Variants in CD163L1 observed in about 807,000 individuals in gnomAD.
The protein encoded by CD163L1 is scavenger receptor cysteine-rich type 1 protein M160.
A neutral mutation model predicts 165.4 loss-of-function variants in CD163L1; 124 were observed. That is an observed-to-expected ratio of 0.75 (90% CI 0.65 to 0.87). The LOEUF (loss-of-function observed/expected upper bound fraction) is 0.87. CD163L1 is among the 40% of genes least tolerant of loss of function. The pLI is 0.00. For missense variants in CD163L1, 1,525 were observed against 1,799.9 expected (o/e 0.85, Z 2.76); for synonymous variants, 585 against 662.2 (o/e 0.88, Z 1.79).
At chr12:7,403,469 C>A in intron 6 of CD163L1, 66 bp downstream of exon 6, 1 of 1,453,752 alleles carries the variant, frequency 6.9e-7, no homozygotes, top group Non-Finnish European at 9.3e-7. Context: ...GCTATTGTTT[C>A]TAACCTCCCA....
In CD163L1 at chr12:7,374,455, C is replaced by T. The variant is rs1241694907; in HGVS notation, c.3396G>A (p.Gly1132=). 2 of 1,612,110 alleles carry T rather than the reference C, an allele frequency of 1.2e-6. No homozygotes were observed. Among genetic ancestry groups the T allele is most frequent in the East Asian group, 4.5e-5 (2 of 44,874 alleles). ...AGCAGCACAGACCTGAGCAGATGAC[C>T]CCTGCGTCCTCCTTGTGCCTGCAGT... ...QHDCRHKEDA[G]VICSEFTALR... Residue 1132 remains glycine (G), a synonymous_variant, in exon 13 of 20, where the codon GGG becomes GGA. Coordinates refer to ENST00000313599, the MANE Select transcript of CD163L1 (RefSeq NM_174941.6). This position sits in a 1 kb window ranked among gnomAD's most constrained non-coding sequence, Gnocchi z 5.4.
At chr12:7,404,194 AC>A (rs1565798669) in intron 5 of CD163L1, among the ~76,000 whole-genome samples, 1 of 152,028 alleles carries the variant, frequency 6.6e-6, no homozygotes, top group African/African-American at 2.4e-5. Context: ...AGCCATATAA[AC>A]CTATATATCA....
chr12:7,369,886 T>G lies in CD163L1; in HGVS notation c.3731-221A>C, dbSNP rs768101578. 1.6e-4 allele frequency among the ~76,000 whole-genome samples: 24 copies of G among 152,284 alleles called. No homozygotes were observed. The highest frequency in any genetic ancestry group is 6.2e-4 in the South Asian group (3 of 4,818). ...AGTCACACTCAAGGGGTGAAACATC[T>G]CCAGCGAGGCCAAACCAGATATTCA... On this transcript the variant is annotated intron_variant, in intron 14 of 19. Coordinates refer to ENST00000313599, the MANE Select transcript of CD163L1 (RefSeq NM_174941.6). This position sits in a 1 kb window ranked among gnomAD's most constrained non-coding sequence, Gnocchi z 4.9.
intron 4 of CD163L1, among the ~76,000 whole-genome samples, chr12:7,416,711 A>G (rs1948249547): frequency 6.6e-6 from 1 of 152,286 alleles, no homozygotes; most frequent in African/African-American, 2.4e-5. Context: ...CAGGTTTGTC[A>G]AGGATCAGAT....
chr12:7,401,838 T>C (rs1272926795), intron 6 of CD163L1, among the ~76,000 whole-genome samples: 1 of 151,982 alleles, frequency 6.6e-6, no homozygotes, highest in African/African-American at 2.4e-5. Context: ...TATTTTGACC[T>C]TTTCACTGGG....
rs1187492436 is a variant in CD163L1, at chr12:7,420,996, C to CAT, written c.766+11418_766+11419dup. ...GTAAAGAAATTGTGGTATATATATA[C>CAT]ATATATATATATACGTGTATATATA... is the stretch of plus-strand genomic sequence containing the variant. On this transcript the variant is annotated intron_variant, in intron 4 of 19. Coordinates refer to ENST00000313599, the MANE Select transcript of CD163L1 (RefSeq NM_174941.6). Among the ~76,000 whole-genome samples the CAT allele has an allele frequency of 8.6e-4, 106 of 122,590 alleles. 1 individual carries two copies. The highest frequency in any genetic ancestry group is 1.5e-3 in the African/African-American group (44 of 29,288). The allele number at this position is 122,590 out of a possible 152,430, so 80.4% of individuals were successfully genotyped here. A position where few individuals can be genotyped will look rare whatever the true frequency, so the allele number is the denominator to read the frequency against.
intron 4 of CD163L1, among the ~76,000 whole-genome samples, chr12:7,426,458 T>C (rs1194076957): frequency 6.6e-6 from 1 of 151,476 alleles, no homozygotes; most frequent in Non-Finnish European, 1.5e-5. Flanking sequence ...AAAGTAAAAA[T>C]AAATAAATAA....
chr12:7,401,397 G>GA (rs1204317597), intron 6 of CD163L1, among the ~76,000 whole-genome samples: 4 of 151,578 alleles, frequency 2.6e-5, no homozygotes, highest in African/African-American at 9.7e-5. Context: ...TTGAATAGAA[G>GA]AAAAAAACAC....
chr12:7,422,510 T>G (rs1948457886), intron 4 of CD163L1, among the ~76,000 whole-genome samples: 1 of 151,852 alleles, frequency 6.6e-6, no homozygotes, highest in Non-Finnish European at 1.5e-5. Flanking sequence ...AGGAACATGT[T>G]CTAACCCAAT....
chr12:7,365,572 C>A (rs910054684), intron 18 of CD163L1, among the ~76,000 whole-genome samples: 6 of 151,746 alleles, frequency 4.0e-5, no homozygotes, highest in East Asian at 1.9e-4. Flanking sequence ...TAGAAAAAAA[C>A]CAACTAATCT....
At chr12:7,346,118 T>C (rs1946668600), downstream of CD163L1, among the ~76,000 whole-genome samples, 1 of 150,724 alleles carries the variant, frequency 6.6e-6, no homozygotes, top group Non-Finnish European at 1.5e-5. Flanking sequence ...ACTGTATGTA[T>C]ATTAAGAAGA....
chr12:7,409,651 G>A (rs534877501), intron 4 of CD163L1, among the ~76,000 whole-genome samples: 28 of 152,262 alleles, frequency 1.8e-4, no homozygotes, highest in Admixed American at 5.9e-4. Context: ...ACCGTGACCG[G>A]TACCAGTTTA....
chr12:7,348,509 C>G (rs755109294), intron 4 of CD163L1, among the ~76,000 whole-genome samples: 40 of 152,296 alleles, frequency 2.6e-4, no homozygotes, highest in African/African-American at 8.9e-4. Context: ...TAGAACATAG[C>G]ATGCCATTTA....
chr12:7,324,572 A>G, the CD163L1 span: 1 of 1,613,994 alleles, frequency 6.2e-7, no homozygotes, highest in South Asian at 1.1e-5. Context: ...GGCTGTTGTC[A>G]GTAGTCCAGA....
the CD163L1 span, among the ~76,000 whole-genome samples, chr12:7,332,205 A>C: frequency 1.3e-5 from 2 of 152,234 alleles, no homozygotes; most frequent in African/African-American, 4.8e-5. Context: ...GAAATGAATG[A>C]AATGAAGCGA....
chr12:7,334,857 A>G, the CD163L1 span, among the ~76,000 whole-genome samples: 2 of 152,222 alleles, frequency 1.3e-5, no homozygotes, highest in African/African-American at 4.8e-5. Flanking sequence ...ACAGACAAAC[A>G]GAGAGCCAAA....
chr12:7,423,927 T>C (rs957478557), intron 4 of CD163L1, among the ~76,000 whole-genome samples: 3 of 152,262 alleles, frequency 2.0e-5, no homozygotes, highest in Admixed American at 6.5e-5. Flanking sequence ...CCATTCCTTC[T>C]GAAACTATTA....
At chr12:7,366,546 T>A (rs1163487369) in intron 18 of CD163L1, among the ~76,000 whole-genome samples, 1 of 152,086 alleles carries the variant, frequency 6.6e-6, no homozygotes, top group African/African-American at 2.4e-5. Flanking sequence ...TTAAAAACAA[T>A]GTTAATTAAA....
intron 4 of CD163L1, among the ~76,000 whole-genome samples, chr12:7,410,903 G>A (rs1165342509): frequency 6.7e-6 from 1 of 149,956 alleles, no homozygotes; most frequent in Non-Finnish European, 1.5e-5. Context: ...GCCAAAAATT[G>A]AGACTCTTCA....
Sources: allele counts gnomAD v4.1 joint callset (sites outside exome capture counted in the v4.1 genomes callset), GRCh38; gene constraint gnomAD v4.1.1; non-coding constraint Gnocchi (gnomAD v3.1); transcripts MANE v1.5; gene names NCBI Gene and HGNC (gene_info 2026-07-23, HGNC 2026-07-21).